ZNF599: variants seen among roughly 807,000 people sequenced by gnomAD.
The protein encoded by ZNF599 is zinc finger protein 599.
A neutral mutation model predicts 11.7 loss-of-function variants in ZNF599; 10 were observed. The ratio of observed to expected loss-of-function variants is 0.86; its 90% CI spans 0.53 to 1.45. The LOEUF (loss-of-function observed/expected upper bound fraction) is 1.45, where lower values mean the gene tolerates loss of function less well. ZNF599 is among the 40% of genes most tolerant of loss of function. The pLI, the probability that ZNF599 is intolerant of heterozygous loss-of-function variation, is 0.00. For synonymous variants in ZNF599, 232 were observed against 253.2 expected, an observed-to-expected ratio of 0.92 and a Z score of 0.79; for missense variants, 688 against 713.6, an observed-to-expected ratio of 0.96 and a Z score of 0.41.
the ZNF599 span, among the ~76,000 whole-genome samples, chr19:34,786,362 C>G: frequency 6.6e-6 from 1 of 152,188 alleles, no homozygotes. Flanking sequence ...CCCAATCTCT[C>G]TCCCACCCTA....
At chr19:34,792,811 G>A in the ZNF599 span, among the ~76,000 whole-genome samples, 105 of 151,990 alleles carry the variant, frequency 6.9e-4, 1 homozygote, top group African/African-American at 2.3e-3. Context: ...TACCGTGAGC[G>A]GAGATCGCAC....
the ZNF599 span, among the ~76,000 whole-genome samples, chr19:34,790,605 G>A: frequency 6.6e-6 from 1 of 152,152 alleles, no homozygotes; most frequent in East Asian, 1.9e-4. Flanking sequence ...CTGGGGGGAG[G>A]AGGAGAGGAA....
intron 3 of ZNF599, chr19:34,765,508 G>A (rs949853980): frequency 2.9e-6 from 2 of 697,754 alleles, no homozygotes; most frequent in African/African-American, 1.8e-5. Context: ...CAGCTGCAGG[G>A]TTTGTGGTAA....
chr19:34,764,229 G>A (rs1401735909), intron 3 of ZNF599: 1 of 152,220 alleles, frequency 6.6e-6, no homozygotes, highest in Non-Finnish European at 1.5e-5. Flanking sequence ...TTTAAGTGCT[G>A]TGGTGCTGAG....
chr19:34,800,606 C>CT, the ZNF599 span, among the ~76,000 whole-genome samples: 4 of 66,024 alleles, frequency 6.1e-5, no homozygotes, highest in South Asian at 4.5e-4. Context: ...TTTTTTTTTT[C>CT]TTTTTTTGAG....
the ZNF599 span, among the ~76,000 whole-genome samples, chr19:34,805,223 G>A: frequency 6.9e-6 from 1 of 145,514 alleles, no homozygotes; most frequent in Non-Finnish European, 1.5e-5. Context: ...TTTTGAGACG[G>A]AGTCTCACTC....
the ZNF599 span, among the ~76,000 whole-genome samples, chr19:34,789,730 A>G: frequency 6.6e-6 from 1 of 152,162 alleles, no homozygotes; most frequent in East Asian, 1.9e-4. Flanking sequence ...GTTTCAGTTC[A>G]TTATATATTT....
chr19:34,759,884 G>C lies in ZNF599; in HGVS notation c.917C>G (p.Thr306Ser). The C allele has an allele frequency of 1.2e-6, 2 of 1,614,136 alleles. No homozygotes were observed. The highest frequency in any genetic ancestry group is 1.7e-6 in the Non-Finnish European group (2 of 1,180,026). ...SSFIQHNMTH[T>S]REKPFLCKEC... is the part of the protein sequence containing the mutation. ...TTTGCATAAAAAGGGTTTTTCTCGA[G>C]TGTGAGTCATATTATGCTGGATAAA... is the stretch of plus-strand genomic sequence containing the variant. The change falls in exon 4 of 4, where the codon ACT becomes AGT. Residue 306 changes from threonine to serine, a missense_variant. By Grantham distance (58) the Thr-to-Ser change is moderately conservative (BLOSUM62 1). Coordinates refer to ENST00000329285, the MANE Select transcript of ZNF599 (RefSeq NM_001007248.3).
chr19:34,784,156 C>T, the ZNF599 span, among the ~76,000 whole-genome samples: 1 of 152,174 alleles, frequency 6.6e-6, no homozygotes, highest in Non-Finnish European at 1.5e-5. Context: ...GAGAATCCTG[C>T]CTTGCTTCTT....
intron 2 of ZNF599, 96 bp from the exon 3 acceptor site, chr19:34,767,507 T>C (rs1298395178): frequency 2.4e-5 from 21 of 890,292 alleles, no homozygotes; most frequent in African/African-American, 2.0e-4. Flanking sequence ...CATACTGCAA[T>C]GAAACCCCAG....
At chr19:34,797,296 C>T in the ZNF599 span, among the ~76,000 whole-genome samples, 1 of 152,134 alleles carries the variant, frequency 6.6e-6, no homozygotes, top group African/African-American at 2.4e-5. Flanking sequence ...GTCTTTACAG[C>T]AACATGATTT....
At chr19:34,783,106 C>T in the ZNF599 span, among the ~76,000 whole-genome samples, 1 of 152,212 alleles carries the variant, frequency 6.6e-6, no homozygotes, top group Non-Finnish European at 1.5e-5. Flanking sequence ...CTGGGCCTGG[C>T]ATGTGGGGTC....
At position 34,760,039 on chromosome 19, in the gene ZNF599, TG is replaced by T; in HGVS notation, c.761del (p.Pro254HisfsTer50). 6.2e-7 allele frequency: 1 copy of T among 1,613,998 alleles called. No individual in the cohort carries two copies. The highest frequency in any genetic ancestry group is 8.5e-7 in the Non-Finnish European group (1 of 1,179,988). Reference sequence around the variant, plus strand: ...CTTTCCCACACTCAATACACTTGTATGGTTTTTCCCCAGTATGAAGCCTCAT... The same window carrying T: ...CTTTCCCACACTCAATACACTTGTATGTTTTTCCCCAGTATGAAGCCTCAT... ...RHMRLHTGEK[P>X]YKCIECGKAF... On this transcript the variant is annotated frameshift_variant, in exon 4 of 4. Transcript: ENST00000329285. LOFTEE classifies it low-confidence loss of function (END_TRUNC).
At position 34,758,332 on chromosome 19, in the gene ZNF599, A is replaced by G. The variant is rs1242797046; in HGVS notation, c.*702T>C. On this transcript the variant is annotated 3_prime_UTR_variant, in exon 4 of 4. Transcript: ENST00000329285. The stretch of plus-strand genomic sequence containing the variant: ...TACCACGAGTAACAATTCACTGCAT[A>G]TAAATGTACATGTGTACATGTGCAC... The G allele has an allele frequency of 6.6e-6, 1 of 152,214 alleles. No individual in the cohort carries two copies. Among genetic ancestry groups the G allele is most frequent in the African/African-American group, 2.4e-5 (1 of 41,448 alleles). The allele number at this position is 152,214 out of a possible 1,614,324, so 9.4% of individuals were successfully genotyped here.
At chr19:34,761,021 C>T (rs2069109933) in intron 3 of ZNF599, among the ~76,000 whole-genome samples, 1 of 151,988 alleles carries the variant, frequency 6.6e-6, no homozygotes, top group Admixed American at 6.5e-5. Context: ...AGTAGGAGTT[C>T]CCAGACAGAG....
chr19:34,800,992 G>A, the ZNF599 span, among the ~76,000 whole-genome samples: 5 of 152,184 alleles, frequency 3.3e-5, no homozygotes, highest in African/African-American at 1.2e-4. Flanking sequence ...AGCCCTTGCT[G>A]TATATTCATC....
At position 34,759,709 on chromosome 19, in the gene ZNF599, T is replaced by A; in HGVS notation, c.1092A>T (p.Glu364Asp). ...FIQHNVTHTG[E>D]KPFLCKECGK... ...CACATTCTTTACATAAAAATGGTTT[T>A]TCTCCTGTGTGGGTCACATTGTGCT... The change falls in exon 4 of 4, where the codon GAA becomes GAT. Residue 364 changes from glutamate to aspartate, a missense_variant. Transcript: ENST00000329285. 1 of 1,614,144 alleles carries A rather than the reference T, an allele frequency of 6.2e-7. No individual in the cohort carries two copies. The highest frequency in any genetic ancestry group is 8.5e-7 in the Non-Finnish European group (1 of 1,180,028).
intron 1 of ZNF599, among the ~76,000 whole-genome samples, chr19:34,771,677 A>G (rs2069184855): frequency 6.6e-6 from 1 of 152,060 alleles, no homozygotes; most frequent in Non-Finnish European, 1.5e-5. Flanking sequence ...CTTTGCAGCC[A>G]TGGTGGGGTA....
chr19:34,776,463 A>G (rs1368781209), upstream of ZNF599, among the ~76,000 whole-genome samples: 1 of 152,208 alleles, frequency 6.6e-6, no homozygotes, highest in Non-Finnish European at 1.5e-5. Context: ...AATTTTAAAC[A>G]TGGGCTTGCG....
Sources: gnomAD v4.1 joint callset for allele counts (sites outside exome capture counted in the v4.1 genomes callset) on GRCh38, gnomAD v4.1.1 for gene constraint, MANE v1.5 for transcripts, NCBI Gene and HGNC (gene_info 2026-07-23, HGNC 2026-07-21) for gene names.